GALNT13: variants seen among roughly 807,000 people sequenced by gnomAD.
GALNT13 encodes polypeptide N-acetylgalactosaminyltransferase 13, also known as UDP-GalNAc:polypeptide N-acetylgalactosaminyltransferase 13.
Under a neutral mutation model 64.2 loss-of-function variants are expected in GALNT13, and 28 were observed. That is an observed-to-expected ratio of 0.44 (90% CI 0.32 to 0.60). The LOEUF (loss-of-function observed/expected upper bound fraction) is 0.60, where lower values mean the gene tolerates loss of function less well. Ranked by LOEUF, GALNT13 falls within the 20% of genes least tolerant of loss-of-function variation. The pLI, the probability that GALNT13 is intolerant of heterozygous loss-of-function variation, is 0.05. For synonymous variants in GALNT13, 214 were observed against 224.6 expected, an observed-to-expected ratio of 0.95 and a Z score of 0.42; for missense variants, 577 against 669.8, an observed-to-expected ratio of 0.86 and a Z score of 1.53.
At chr2:153,604,139 T>C in the GALNT13 span, among the ~76,000 whole-genome samples, 96 of 152,144 alleles carry the variant, frequency 6.3e-4, no homozygotes, top group South Asian at 2.1e-3. Context: ...TCCAAAGATT[T>C]TTCCTTTTCT....
the GALNT13 span, among the ~76,000 whole-genome samples, chr2:153,440,587 T>C: frequency 1.4e-4 from 22 of 152,222 alleles, no homozygotes; most frequent in Non-Finnish European, 2.6e-4. Context: ...AGTGTTCCTA[T>C]TTCTCCACAT....
the GALNT13 span, among the ~76,000 whole-genome samples, chr2:153,769,341 G>T: frequency 1.3e-5 from 2 of 152,144 alleles, no homozygotes; most frequent in African/African-American, 2.4e-5. Context: ...ATTTATGAAG[G>T]TTAGTGTGGC....
chr2:154,399,220 C>T (rs1248229730), intron 10 of GALNT13, among the ~76,000 whole-genome samples: 1 of 151,908 alleles, frequency 6.6e-6, no homozygotes, highest in Non-Finnish European at 1.5e-5. Context: ...GAGTTCAAGA[C>T]CAGCTGAGTA....
intron 9 of GALNT13, among the ~76,000 whole-genome samples, chr2:154,375,391 T>A (rs1697929355): frequency 6.6e-6 from 1 of 152,124 alleles, no homozygotes; most frequent in South Asian, 2.1e-4. Context: ...AAGTCTTCAC[T>A]TTAGCATCAC....
chr2:153,860,210 G>A, the GALNT13 span, among the ~76,000 whole-genome samples: 241 of 152,318 alleles, frequency 1.6e-3, 1 homozygote, highest in South Asian at 0.015. Context: ...ATAAAATAAT[G>A]CTTTGTAAAG....
chr2:153,533,646 T>C, the GALNT13 span, among the ~76,000 whole-genome samples: 4 of 151,062 alleles, frequency 2.6e-5, no homozygotes, highest in Admixed American at 1.3e-4. Flanking sequence ...TTTCTCTCTT[T>C]TTCTTCTGCT....
the GALNT13 span, among the ~76,000 whole-genome samples, chr2:153,743,626 T>C: frequency 6.6e-6 from 1 of 152,140 alleles, no homozygotes; most frequent in Non-Finnish European, 1.5e-5. Flanking sequence ...AATCACATAG[T>C]AGAAAAGGGT....
chr2:154,321,959 G>A (rs957895478), intron 9 of GALNT13, among the ~76,000 whole-genome samples: 1 of 151,822 alleles, frequency 6.6e-6, no homozygotes, highest in African/African-American at 2.4e-5. Context: ...ATCTGATAAA[G>A]TCTGTGAAAT....
At chr2:153,742,836 T>C in the GALNT13 span, among the ~76,000 whole-genome samples, 2 of 151,956 alleles carry the variant, frequency 1.3e-5, no homozygotes, top group South Asian at 2.1e-4. Flanking sequence ...AACACTTACA[T>C]TGATTTCATG....
intron 12 of GALNT13, chr2:154,446,433 C>A: frequency 2.1e-6 from 2 of 939,974 alleles, no homozygotes; most frequent in Non-Finnish European, 1.5e-6. Context: ...TGGCTCACAG[C>A]TCCATGGATA....
intron 8 of GALNT13, among the ~76,000 whole-genome samples, chr2:154,295,791 G>C (rs1692889008): frequency 2.6e-5 from 4 of 152,090 alleles, no homozygotes. Context: ...GAGAGGGCAG[G>C]GGTTTGTGGG....
At chr2:153,661,344 C>G in the GALNT13 span, among the ~76,000 whole-genome samples, 1 of 152,112 alleles carries the variant, frequency 6.6e-6, no homozygotes, top group African/African-American at 2.4e-5. Context: ...CTCAAAATCA[C>G]TGGGACCTGA....
At chr2:153,088,807 T>C in the GALNT13 span, among the ~76,000 whole-genome samples, 6 of 152,150 alleles carry the variant, frequency 3.9e-5, no homozygotes, top group Non-Finnish European at 7.4e-5. Flanking sequence ...GCATTTGGTT[T>C]CCATTTGTGT....
chr2:154,142,325 G>A (rs1372064965), intron 4 of GALNT13, among the ~76,000 whole-genome samples: 2 of 151,824 alleles, frequency 1.3e-5, no homozygotes, highest in Admixed American at 6.6e-5. Context: ...CAAGGCAGGC[G>A]GATCACCTTA....
the GALNT13 span, among the ~76,000 whole-genome samples, chr2:153,696,606 A>T: frequency 8.3e-6 from 1 of 119,822 alleles, no homozygotes; most frequent in Non-Finnish European, 2.1e-5. Flanking sequence ...ACTACTAATA[A>T]AATAGAGTAA....
chr2:153,521,510 T>G, the GALNT13 span, among the ~76,000 whole-genome samples: 1 of 152,192 alleles, frequency 6.6e-6, no homozygotes, highest in Non-Finnish European at 1.5e-5. Flanking sequence ...GAGTGGTACA[T>G]GTTATAATTG....
the GALNT13 span, among the ~76,000 whole-genome samples, chr2:153,337,966 A>G: frequency 1.3e-5 from 2 of 152,210 alleles, no homozygotes; most frequent in Admixed American, 6.5e-5. Context: ...TTATTATAGA[A>G]CAGCAACTGT....
At chr2:154,300,930 G>A (rs751982567) in intron 8 of GALNT13, among the ~76,000 whole-genome samples, 3 of 152,140 alleles carry the variant, frequency 2.0e-5, no homozygotes, top group Non-Finnish European at 2.9e-5. Context: ...CTATAAAGGT[G>A]CCCTAACACA....
upstream of GALNT13, among the ~76,000 whole-genome samples, chr2:153,867,847 ATC>A (rs1685792993): frequency 6.6e-6 from 1 of 152,192 alleles, no homozygotes; most frequent in South Asian, 2.1e-4. Context: ...GCTGCTGCTG[ATC>A]TTACAGGAGG....
Sources: gnomAD v4.1 joint callset for allele counts (sites outside exome capture counted in the v4.1 genomes callset) on GRCh38, gnomAD v4.1.1 for gene constraint, MANE v1.5 for transcripts, NCBI Gene and HGNC (gene_info 2026-07-23, HGNC 2026-07-21) for gene names.